CHD9: variants seen among roughly 807,000 people sequenced by gnomAD.
The protein encoded by CHD9 is chromodomain helicase DNA binding protein 9.
In CHD9, 77 loss-of-function variants were observed where a neutral mutation model predicts 316.1. The ratio of observed to expected loss-of-function variants is 0.24; its 90% CI spans 0.20 to 0.29. The LOEUF (loss-of-function observed/expected upper bound fraction) is 0.29. CHD9 is among the 10% of genes least tolerant of loss of function. CHD9 has a pLI of 1.00. For missense variants in CHD9, 2,763 were observed against 3,438.1 expected (o/e 0.80, Z 4.91); for synonymous variants, 1,129 against 1,158.3 (o/e 0.97, Z 0.51).
At chr16:53,134,588 T>C (rs1181107396) in intron 1 of CHD9, among the ~76,000 whole-genome samples, 1 of 152,332 alleles carries the variant, frequency 6.6e-6, no homozygotes, top group Non-Finnish European at 1.5e-5. Context: ...TCCCATGAGA[T>C]CTTAGTATAA....
chr16:53,297,728 T>C (rs529837424), intron 30 of CHD9, among the ~76,000 whole-genome samples: 2 of 152,360 alleles, frequency 1.3e-5, no homozygotes, highest in South Asian at 4.1e-4. Flanking sequence ...TGCTATGTCA[T>C]GAACAGTTGT....
chr16:53,076,080 A>G (rs188212533), intron 1 of CHD9, among the ~76,000 whole-genome samples: 20 of 152,206 alleles, frequency 1.3e-4, no homozygotes, highest in African/African-American at 4.8e-4. Context: ...ATATCTATTC[A>G]AGTCCTTTGC....
chr16:53,110,363 G>A (rs1446536877), intron 1 of CHD9, among the ~76,000 whole-genome samples: 1 of 152,202 alleles, frequency 6.6e-6, no homozygotes, highest in Non-Finnish European at 1.5e-5. Flanking sequence ...TTGGGAGGCT[G>A]AGGCCAGATG....
intron 2 of CHD9, among the ~76,000 whole-genome samples, chr16:53,200,219 A>T (rs1484897958): frequency 6.6e-6 from 1 of 151,994 alleles, no homozygotes; most frequent in African/African-American, 2.4e-5. Flanking sequence ...AAAAATACAA[A>T]AATTAGCTGG....
At chr16:53,173,729 A>G (rs1261187423) in intron 2 of CHD9, among the ~76,000 whole-genome samples, 1 of 152,012 alleles carries the variant, frequency 6.6e-6, no homozygotes, top group East Asian at 1.9e-4. Flanking sequence ...TATTTTTAGT[A>G]GAGATGGGGT....
intron 1 of CHD9, among the ~76,000 whole-genome samples, chr16:53,145,242 C>A (rs984313245): frequency 2.0e-5 from 3 of 151,514 alleles, no homozygotes; most frequent in African/African-American, 4.8e-5. Context: ...ACCTCCGCCT[C>A]CCGGGTTCAA....
intron 34 of CHD9, among the ~76,000 whole-genome samples, chr16:53,310,027 T>C (rs2056328990): frequency 1.3e-5 from 2 of 152,228 alleles, no homozygotes; most frequent in Non-Finnish European, 2.9e-5. Context: ...TGCCAAGCAA[T>C]ACATGCTGTA....
intron 12 of CHD9, among the ~76,000 whole-genome samples, chr16:53,241,971 A>G (rs951181972): frequency 1.3e-5 from 2 of 152,152 alleles, no homozygotes; most frequent in South Asian, 4.1e-4. Flanking sequence ...TCCCCTCCCC[A>G]ACTCACTGGG....
chr16:53,091,718 A>T (rs2035957774), intron 1 of CHD9, among the ~76,000 whole-genome samples: 1 of 152,196 alleles, frequency 6.6e-6, no homozygotes, highest in African/African-American at 2.4e-5. Context: ...TGGAGGATAA[A>T]GGAGCAAACG....
At chr16:53,232,881 T>C (rs928086518) in intron 10 of CHD9, among the ~76,000 whole-genome samples, 3 of 152,224 alleles carry the variant, frequency 2.0e-5, no homozygotes, top group Non-Finnish European at 4.4e-5. Flanking sequence ...TTGTTTTCCA[T>C]GTACAATTAC....
At chr16:53,122,206 T>C (rs570971833) in intron 1 of CHD9, 1 of 152,192 alleles carries the variant, frequency 6.6e-6, no homozygotes, top group Non-Finnish European at 1.5e-5. Flanking sequence ...TATTATATGT[T>C]TATTATTCAT....
intron 1 of CHD9, among the ~76,000 whole-genome samples, chr16:53,103,758 G>C (rs1050059897): frequency 6.6e-6 from 1 of 152,096 alleles, no homozygotes; most frequent in Admixed American, 6.6e-5. Context: ...ACCTAACATT[G>C]GTCTCTAGTG....
At chr16:53,253,175 A>G (rs2050268867) in intron 17 of CHD9, among the ~76,000 whole-genome samples, 1 of 152,030 alleles carries the variant, frequency 6.6e-6, no homozygotes, top group Admixed American at 6.6e-5. Flanking sequence ...ATGAGTGGAT[A>G]AAGAAACTGT....
intron 1 of CHD9, among the ~76,000 whole-genome samples, chr16:53,069,843 C>T (rs1015545000): frequency 6.6e-6 from 1 of 152,176 alleles, no homozygotes; most frequent in South Asian, 2.1e-4. Flanking sequence ...TACCATTTTA[C>T]ATCCCACCAA....
chr16:53,301,966 T>C (rs2055481263), intron 30 of CHD9, among the ~76,000 whole-genome samples: 1 of 151,918 alleles, frequency 6.6e-6, no homozygotes, highest in African/African-American at 2.4e-5. Flanking sequence ...GGTTTCACCG[T>C]GTTAGCCAGG....
intron 2 of CHD9, among the ~76,000 whole-genome samples, chr16:53,173,738 G>T (rs1380209785): frequency 6.6e-6 from 1 of 151,818 alleles, no homozygotes; most frequent in Non-Finnish European, 1.5e-5. Flanking sequence ...TAGAGATGGG[G>T]TTTCACCGTG....
chr16:53,069,522 A>G (rs2033824790), intron 1 of CHD9, among the ~76,000 whole-genome samples: 2 of 152,134 alleles, frequency 1.3e-5, no homozygotes, highest in South Asian at 4.1e-4. Context: ...AGAATTACAC[A>G]GTATTTATCC....
chr16:53,134,951 A>G (rs1054855912), intron 1 of CHD9, among the ~76,000 whole-genome samples: 7 of 152,220 alleles, frequency 4.6e-5, no homozygotes, highest in African/African-American at 1.7e-4. Flanking sequence ...ATGGAAAATT[A>G]CAACTTATGA....
chr16:53,211,209 C>A (rs939949312), intron 3 of CHD9, among the ~76,000 whole-genome samples: 4 of 152,076 alleles, frequency 2.6e-5, no homozygotes, highest in Non-Finnish European at 2.9e-5. Flanking sequence ...CTAACCGTTA[C>A]TTGCCTCAAA....
Sources: gnomAD v4.1 joint callset for allele counts (sites outside exome capture counted in the v4.1 genomes callset) on GRCh38, gnomAD v4.1.1 for gene constraint, MANE v1.5 for transcripts, NCBI Gene and HGNC (gene_info 2026-07-23, HGNC 2026-07-21) for gene names.